COQ10B: variants seen among roughly 807,000 people sequenced by gnomAD.
The protein encoded by COQ10B is coenzyme Q-binding protein COQ10 homolog B, mitochondrial.
A neutral mutation model predicts 27.6 loss-of-function variants in COQ10B; 12 were observed. The observed-to-expected ratio is 0.43, with a 90% CI of 0.28 to 0.70. The LOEUF is 0.70. COQ10B is among the 30% of genes least tolerant of loss of function. The probability of loss-of-function intolerance (pLI) is 0.17; values close to 1 mark genes in which losing one functional copy is unlikely to be tolerated. For missense variants in COQ10B, 278 were observed against 288.7 expected (o/e 0.96, Z 0.27); for synonymous variants, 115 against 103.0 (o/e 1.12, Z -0.71).
chr2:197,472,708 G>T (rs2085890636), intron 4 of COQ10B, among the ~76,000 whole-genome samples: 1 of 150,028 alleles, frequency 6.7e-6, no homozygotes. Context: ...GGAGGCTGAG[G>T]CAGGAGAATC....
chr2:197,453,774 G>T, intron 1 of COQ10B, 110 bp downstream of exon 1: 4 of 1,110,796 alleles, frequency 3.6e-6, no homozygotes, highest in Admixed American at 2.2e-5. Flanking sequence ...GTGCATTTCC[G>T]TGTCTTTAGA....
intron 1 of COQ10B, among the ~76,000 whole-genome samples, chr2:197,457,947 T>C (rs2085717223): frequency 6.6e-6 from 1 of 152,084 alleles, no homozygotes; most frequent in South Asian, 2.1e-4. Flanking sequence ...CAGATAGTCA[T>C]GTAGTATTTA....
chr2:197,461,581 G>T (rs1035698738), intron 2 of COQ10B, among the ~76,000 whole-genome samples: 38 of 151,654 alleles, frequency 2.5e-4, no homozygotes, highest in African/African-American at 9.0e-4. Flanking sequence ...GTGTGTGTGT[G>T]TGTGTGTGTG....
chr2:197,470,992 A>C (rs376304165), intron 4 of COQ10B, among the ~76,000 whole-genome samples: 124 of 152,336 alleles, frequency 8.1e-4, no homozygotes, highest in African/African-American at 2.9e-3. Flanking sequence ...CTTGAGTCCA[A>C]GGGTTCGAGC....
At chr2:197,459,910 CA>C (rs774678315) in intron 1 of COQ10B, 21 bp from the exon 2 acceptor site, 45 of 1,557,334 alleles carry the variant, frequency 2.9e-5, no homozygotes, top group Non-Finnish European at 3.9e-5. Context: ...CACTCTAAAT[CA>C]GGTGATTTTT....
chr2:197,460,180 C>T, intron 2 of COQ10B, 99 bp downstream of exon 2: 1 of 757,714 alleles, frequency 1.3e-6, no homozygotes, highest in South Asian at 2.6e-5. Flanking sequence ...TTCTTACAGA[C>T]TAAGCTCTCT....
intron 3 of COQ10B, among the ~76,000 whole-genome samples, chr2:197,468,963 T>A (rs1293868223): frequency 3.3e-5 from 5 of 152,210 alleles, no homozygotes; most frequent in Admixed American, 2.0e-4. Context: ...ACTATGGTTC[T>A]GGTTACCATT....
At chr2:197,473,452 A>ATG (rs2085904491) in intron 4 of COQ10B, among the ~76,000 whole-genome samples, 7 of 46,636 alleles carry the variant, frequency 1.5e-4, no homozygotes, top group South Asian at 9.1e-4. Flanking sequence ...ACACATATAT[A>ATG]CATATATATA....
intron 2 of COQ10B, among the ~76,000 whole-genome samples, chr2:197,461,077 C>T (rs889706580): frequency 1.3e-5 from 2 of 152,176 alleles, no homozygotes; most frequent in Non-Finnish European, 2.9e-5. Flanking sequence ...TGCTTTTGTT[C>T]TCCCTATTTT....
intron 3 of COQ10B, among the ~76,000 whole-genome samples, chr2:197,463,569 CTACACT>C: frequency 6.6e-6 from 1 of 150,996 alleles, no homozygotes; most frequent in East Asian, 1.9e-4. Context: ...GATTAAGCCA[CTACACT>C]TCAGCCTGGG....
At chr2:197,466,976 A>T (rs1253832255) in intron 3 of COQ10B, among the ~76,000 whole-genome samples, 7 of 139,932 alleles carry the variant, frequency 5.0e-5, no homozygotes, top group Non-Finnish European at 1.1e-4. Context: ...ACCAAGTTTC[A>T]CTCTTGTTGC....
chr2:197,468,267 C>A (rs1028847561), intron 3 of COQ10B, among the ~76,000 whole-genome samples: 4 of 151,600 alleles, frequency 2.6e-5, no homozygotes, highest in African/African-American at 9.7e-5. Flanking sequence ...GGTGAAACCC[C>A]ATATCTAGTA....
intron 2 of COQ10B, among the ~76,000 whole-genome samples, chr2:197,460,598 A>AT (rs570149156): frequency 1.2e-3 from 185 of 152,310 alleles, no homozygotes; most frequent in African/African-American, 4.1e-3. Flanking sequence ...TATGACTTAC[A>AT]TTTTTTGTAC....
intron 1 of COQ10B, chr2:197,454,039 T>C: frequency 6.4e-7 from 1 of 1,551,220 alleles, no homozygotes; most frequent in Non-Finnish European, 8.7e-7. Flanking sequence ...TATGGGAGTT[T>C]GTGTTTGGCG....
intron 2 of COQ10B, among the ~76,000 whole-genome samples, chr2:197,461,559 CTG>C (rs60261177): frequency 0.013 from 1,764 of 139,682 alleles, 26 homozygotes; most frequent in South Asian, 0.057. Context: ...CTGATTTAGT[CTG>C]TGTGTGTGTG....
Position 197,462,548 on chromosome 2 carries a change from G to A in COQ10B, c.264G>A (p.Met88Ile). 6.4e-7 allele frequency: 1 copy of A among 1,554,250 alleles called. No individual in the cohort carries two copies. Among genetic ancestry groups the A allele is most frequent in the Non-Finnish European group, 8.7e-7 (1 of 1,143,050 alleles). The change falls in exon 3 of 5, where the codon ATG becomes ATA. Residue 88 changes from methionine (M) to isoleucine (I), a missense_variant. Transcript: ENST00000263960. ...TTTTTATTTTTTAAAGATATTCAAT[G>A]CAGGAAATGTATGATGTAGTATCGG... ...YSERRILGYS[M>I]QEMYDVVSGV...
At chr2:197,465,275 C>T (rs528834289) in intron 3 of COQ10B, among the ~76,000 whole-genome samples, 2 of 150,500 alleles carry the variant, frequency 1.3e-5, no homozygotes, top group African/African-American at 2.4e-5. Flanking sequence ...TACCTTTCTT[C>T]TGTTCCCTGC....
At chr2:197,456,084 T>C (rs1399682440) in intron 1 of COQ10B, among the ~76,000 whole-genome samples, 2 of 152,144 alleles carry the variant, frequency 1.3e-5, no homozygotes, top group African/African-American at 4.8e-5. Flanking sequence ...GCAACGTGGA[T>C]GGACTTGGAG....
intron 1 of COQ10B, among the ~76,000 whole-genome samples, chr2:197,454,494 A>T (rs886292043): frequency 2.0e-5 from 3 of 152,086 alleles, no homozygotes; most frequent in Non-Finnish European, 2.9e-5. Context: ...TAATTTTTTT[A>T]AAAAAAGATT....
Sources: allele counts gnomAD v4.1 joint callset (sites outside exome capture counted in the v4.1 genomes callset), GRCh38; gene constraint gnomAD v4.1.1; transcripts MANE v1.5; gene names NCBI Gene and HGNC (gene_info 2026-07-23, HGNC 2026-07-21).